POTEF: variants seen among roughly 807,000 people sequenced by gnomAD.
The protein encoded by POTEF is POTE ankyrin domain family member F.
Under a neutral mutation model 83.2 loss-of-function variants are expected in POTEF, and 20 were observed. The ratio of observed to expected loss-of-function variants is 0.24; its 90% CI spans 0.17 to 0.35. POTEF has a LOEUF of 0.35. Ranked by LOEUF, POTEF falls within the 10% of genes least tolerant of loss-of-function variation. POTEF has a pLI of 1.00. For missense variants in POTEF, 550 were observed against 1,203.2 expected, an observed-to-expected ratio of 0.46 and a Z score of 8.03; for synonymous variants, 196 against 446.4, an observed-to-expected ratio of 0.44 and a Z score of 7.07.
At position 130,116,259 on chromosome 2, in the gene POTEF, A is replaced by G. The variant is rs373759082; in HGVS notation, c.522-931T>C. ...GATTTATACAATGTATGTACATCAG[A>G]TATTTCCAATCATTCATATTAGGAT... On this transcript the variant is annotated intron_variant, in intron 3 of 16. Transcript: ENST00000409914. 5.2e-4 allele frequency among the ~76,000 whole-genome samples: 79 copies of G among 151,496 alleles called. No homozygotes were observed. The East Asian group carries it at 0.014, about 27-fold the overall frequency.
Position 130,083,377 on chromosome 2 carries a change from A to C in POTEF, c.1778+2437T>G, listed in dbSNP as rs554940867. On this transcript the variant is annotated intron_variant, in intron 15 of 16. Coordinates refer to ENST00000409914, the MANE Select transcript of POTEF (RefSeq NM_001099771.2). Reference sequence around the variant, plus strand: ...GAGAAAGAAGATTGAGGACTGAGCCATGAGAAACAACAATGTCCAAAAGGA... The same window carrying C: ...GAGAAAGAAGATTGAGGACTGAGCCCTGAGAAACAACAATGTCCAAAAGGA... Among the ~76,000 whole-genome samples, 4 of 152,204 alleles carry C rather than the reference A, an allele frequency of 2.6e-5. No homozygotes were observed. In the South Asian group the frequency reaches 8.3e-4, roughly 32 times the overall value.
At chr2:130,102,845 G>A (rs1348991049) in intron 8 of POTEF, among the ~76,000 whole-genome samples, 1 of 151,572 alleles carries the variant, frequency 6.6e-6, no homozygotes, top group Non-Finnish European at 1.5e-5. Flanking sequence ...CTGTAAGCTT[G>A]CCTACATAAG....
intron 5 of POTEF, 96 bp downstream of exon 5, chr2:130,114,785 C>T: frequency 2.7e-6 from 4 of 1,470,694 alleles, no homozygotes; most frequent in Non-Finnish European, 3.6e-6. Flanking sequence ...TCAGGTTATG[C>T]TTGAGCTTCC....
In POTEF at chr2:130,102,197, ATATT is replaced by A. The variant is rs1684391745; in HGVS notation, c.1127-21_1127-18del. ...AGTCTTGTTCTGTTGAGAAATCCAT[ATATT>A]CAGTTAAAATGAACCACTTAGAACA... On this transcript the variant is annotated intron_variant, in intron 8 of 16. Coordinates refer to ENST00000409914, the MANE Select transcript of POTEF (RefSeq NM_001099771.2). 1 of 1,586,528 alleles carries A rather than the reference ATATT, an allele frequency of 6.3e-7. No individual in the cohort carries two copies. Among genetic ancestry groups the A allele is most frequent in the Non-Finnish European group, 8.5e-7 (1 of 1,172,272 alleles).
intron 8 of POTEF, among the ~76,000 whole-genome samples, chr2:130,105,327 C>A (rs1324984951): frequency 5.9e-5 from 9 of 151,458 alleles, no homozygotes; most frequent in Admixed American, 2.6e-4. Context: ...CATATTAAAA[C>A]AAGTAGTTGA....
At chr2:130,119,152 A>T (rs1403280137) in intron 3 of POTEF, among the ~76,000 whole-genome samples, 1 of 151,554 alleles carries the variant, frequency 6.6e-6, no homozygotes, top group Admixed American at 6.6e-5. Flanking sequence ...TGATAAATAG[A>T]AAAAGCTCCC....
intron 8 of POTEF, among the ~76,000 whole-genome samples, chr2:130,107,445 C>T (rs1448647834): frequency 4.6e-5 from 7 of 150,894 alleles, no homozygotes; most frequent in African/African-American, 9.9e-5. Context: ...GGTAGGACCA[C>T]GCAGAGCAGG....
At chr2:130,103,161 C>T (rs1404495110) in intron 8 of POTEF, among the ~76,000 whole-genome samples, 39 of 143,648 alleles carry the variant, frequency 2.7e-4, no homozygotes, top group Non-Finnish European at 4.0e-4. Flanking sequence ...AGTGCAGTGG[C>T]GCAATCTCAG....
At chr2:130,080,243 A>G (rs1284909616) in intron 15 of POTEF, among the ~76,000 whole-genome samples, 1 of 121,862 alleles carries the variant, frequency 8.2e-6, no homozygotes, top group Non-Finnish European at 1.7e-5. Flanking sequence ...TTGTTTGAAA[A>G]TAAAATGATC....
Position 130,120,428 on chromosome 2 carries a change from G to C in POTEF, c.88C>G (p.Arg30Gly), listed in dbSNP as rs200287262. The change falls in exon 3 of 17, where the codon CGT (arginine) becomes GGT (glycine). Residue 30 changes from arginine to glycine, a missense_variant. Arg to Gly is a moderately radical substitution (Grantham distance 125). Coordinates refer to ENST00000409914, the MANE Select transcript of POTEF (RefSeq NM_001099771.2). ...CTCTCCCTGCAGCAGGGGAAGCAAC[G>C]GCAGCACCACTTGCCCATCTTGCTC... The part of the protein sequence containing the change: ...LRSKMGKWCC[R>G]CFPCCRESGK... 6 of 1,613,282 alleles carry C rather than the reference G, an allele frequency of 3.7e-6. No individual in the cohort carries two copies. Among genetic ancestry groups the C allele is most frequent in the Non-Finnish European group, 5.1e-6 (6 of 1,179,846 alleles).
chr2:130,117,117 C>G (rs1684864952), intron 3 of POTEF, among the ~76,000 whole-genome samples: 1 of 151,590 alleles, frequency 6.6e-6, no homozygotes, highest in South Asian at 2.1e-4. Context: ...GTAATAATCA[C>G]TTACATTTGC....
intron 7 of POTEF, 122 bp downstream of exon 7, chr2:130,110,421 A>G: frequency 6.3e-7 from 1 of 1,588,754 alleles, no homozygotes; most frequent in Non-Finnish European, 8.6e-7. Flanking sequence ...ACTAAAACTC[A>G]CTGCCACGCG....
Position 130,120,293 on chromosome 2 carries a change from T to G in POTEF, c.223A>C (p.Ser75Arg). Residue 75 changes from serine (S) to arginine (R), a missense_variant, in exon 3 of 17, where the codon AGT (serine) becomes CGT (arginine). By Grantham distance (110) the Ser-to-Arg change is moderately radical. Transcript: ENST00000409914. ...GAAGCGCCCACGTTGCTCTTGCCACTCCCCCTGCAGCAGGGGAAGCAGTGG... is the reference window on the plus strand; with the variant it reads ...GAAGCGCCCACGTTGCTCTTGCCACGCCCCCTGCAGCAGGGGAAGCAGTGG... The part of the protein sequence containing the change: ...CRHCFPCCRG[S>R]GKSNVGASGD... The G allele has an allele frequency of 2.5e-6, 4 of 1,606,276 alleles. No individual in the cohort carries two copies. Among genetic ancestry groups the G allele is most frequent in the Non-Finnish European group, 3.4e-6 (4 of 1,178,976 alleles).
intron 8 of POTEF, among the ~76,000 whole-genome samples, chr2:130,104,752 G>T (rs549889775): frequency 0.014 from 2,177 of 151,200 alleles, 90 homozygotes; most frequent in African/African-American, 0.051. Context: ...TATCCATTAA[G>T]TTCATCTGTC....
chr2:130,109,616 T>C (rs1684649453), intron 7 of POTEF: 2 of 151,148 alleles, frequency 1.3e-5, no homozygotes, highest in Admixed American at 1.3e-4. Flanking sequence ...AGTACAGATC[T>C]GGTAGCAAAG....
At position 130,075,559 on chromosome 2, in the gene POTEF, C is replaced by A. The variant is rs576434470; in HGVS notation, c.1913G>T (p.Cys638Phe). 6.2e-7 allele frequency: 1 copy of A among 1,610,164 alleles called. No homozygotes were observed. The highest frequency in any genetic ancestry group is 8.5e-7 in the Non-Finnish European group (1 of 1,179,418). The change falls in exon 17 of 17, where the codon TGT (cysteine) becomes TTT (phenylalanine). Residue 638 changes from cysteine (C) to phenylalanine (F), a missense_variant. Transcript: ENST00000409914. The part of the protein sequence containing the change: ...EKMNSELSLS[C>F]KKEKDILHEN... ...ATGCAAGATGTCTTTTTCTTTCTTA[C>A]AACTAAGAGAAAGCTAAGTAAACAA...
intron 2 of POTEF, among the ~76,000 whole-genome samples, chr2:130,123,519 G>A (rs930778009): frequency 5.3e-5 from 8 of 151,836 alleles, no homozygotes; most frequent in African/African-American, 1.9e-4. Context: ...AAGCCAACAA[G>A]TAAATATGAT....
In POTEF at chr2:130,099,098, C is replaced by T. The variant is rs62165958; in HGVS notation, c.1409+372G>A. On this transcript the variant is annotated intron_variant, in intron 11 of 16. Coordinates refer to ENST00000409914, the MANE Select transcript of POTEF (RefSeq NM_001099771.2). ...AAGGTGGAGCGTCGCGGGAGGGAGA[C>T]GACCAAAAAACTAACTTTTGGTGTT... Among the ~76,000 whole-genome samples, 5 of 67,692 alleles carry T rather than the reference C, an allele frequency of 7.4e-5. 2 individuals carry two copies. Among genetic ancestry groups the T allele is most frequent in the African/African-American group, 2.4e-4 (3 of 12,334 alleles). The allele number at this position is 67,692 out of a possible 152,430, so 44.4% of individuals were successfully genotyped here.
intron 2 of POTEF, among the ~76,000 whole-genome samples, chr2:130,123,351 G>A (rs1685033969): frequency 6.6e-6 from 1 of 151,458 alleles, no homozygotes; most frequent in Non-Finnish European, 1.5e-5. Flanking sequence ...GTTGACCAAA[G>A]GTGATATTAA....
Sources: allele counts gnomAD v4.1 joint callset (sites outside exome capture counted in the v4.1 genomes callset), GRCh38; gene constraint gnomAD v4.1.1; transcripts MANE v1.5; gene names NCBI Gene and HGNC (gene_info 2026-07-23, HGNC 2026-07-21).